INTU: variants seen among roughly 807,000 people sequenced by gnomAD.
The protein encoded by INTU is protein inturned.
A neutral mutation model predicts 100.5 loss-of-function variants in INTU; 68 were observed. The observed-to-expected ratio is 0.68, with a 90% confidence interval of 0.56 to 0.83. The LOEUF (loss-of-function observed/expected upper bound fraction) is 0.83, where lower values mean the gene tolerates loss of function less well. Among genes scored for constraint, INTU ranks in the 40% least tolerant of loss-of-function variants. The probability of loss-of-function intolerance (pLI) is 0.00; values close to 1 mark genes in which losing one functional copy is unlikely to be tolerated. For missense variants in INTU, 1,071 were observed against 1,114.7 expected (o/e 0.96, Z 0.56); for synonymous variants, 357 against 395.7 (o/e 0.90, Z 1.16).
chr4:127,674,323 A>C, intron 6 of INTU, 110 bp downstream of exon 6: 2 of 806,126 alleles, frequency 2.5e-6, no homozygotes, highest in Non-Finnish European at 3.9e-6. Flanking sequence ...ACAGTTTTAC[A>C]GTTTAAAGAT....
rs1387530242 is a variant in INTU at position 127,716,329 on chromosome 4, CTTTT to C, written c.2724_2727del (p.Leu910IlefsTer22). Reference sequence around the variant, plus strand: ...GTGTGTTCTTTTCTTCTGCAGGAGACTTTTTCTTCATCCAAAACCTCAAGAACTT... The same window carrying C: ...GTGTGTTCTTTTCTTCTGCAGGAGACTCTTCATCCAAAACCTCAAGAACTT... On this transcript the variant is annotated frameshift_variant, in exon 16 of 16. Transcript: ENST00000335251. LOFTEE classifies it high-confidence loss of function. The C allele has an allele frequency of 6.5e-7, 1 of 1,531,672 alleles. No individual in the cohort carries two copies. Among genetic ancestry groups the C allele is most frequent in the East Asian group, 2.3e-5 (1 of 43,382 alleles). The allele number at this position is 1,531,672 out of a possible 1,614,324, so 94.9% of individuals were successfully genotyped here. A position where few individuals can be genotyped will look rare whatever the true frequency, so the allele number is the denominator to read the frequency against.
intron 7 of INTU, chr4:127,687,189 G>C: frequency 6.6e-6 from 1 of 152,282 alleles, no homozygotes; most frequent in East Asian, 1.9e-4. Context: ...TGTTTTTACA[G>C]AGTTGGAAAC....
At position 127,656,717 on chromosome 4, in the gene INTU, T is replaced by C. The variant is rs1728245328; in HGVS notation, c.764T>C (p.Met255Thr). The C allele has an allele frequency of 1.3e-6, 2 of 1,590,230 alleles. No individual in the cohort carries two copies. The highest frequency in any genetic ancestry group is 1.1e-5 in the South Asian group (1 of 89,548). The change falls in exon 3 of 16, where the codon ATG becomes ACG. Residue 255 changes from methionine to threonine, a missense_variant. Met to Thr is a moderately conservative substitution (Grantham distance 81). Transcript: ENST00000335251. The part of the protein sequence containing the change: ...ERVLSCIPGP[M>T]QVKLTFENAY... ...GTTCTGTCTTGCATTCCTGGACCTATGCAGGTATGGACATTCTTTTTCTAT... is the reference window on the plus strand; with the variant it reads ...GTTCTGTCTTGCATTCCTGGACCTACGCAGGTATGGACATTCTTTTTCTAT...
chr4:127,643,598 A>G lies in INTU; in HGVS notation c.224A>G (p.Glu75Gly), dbSNP rs1727429051. 1 of 1,613,226 alleles carries G rather than the reference A, an allele frequency of 6.2e-7. No individual in the cohort carries two copies. Among genetic ancestry groups the G allele is most frequent in the African/African-American group, 1.3e-5 (1 of 74,790 alleles). ...LFYLELSEDE[E>G]ESLLPETPTV... ...TATTTGGAATTGAGTGAGGATGAAG[A>G]AGAAAGCCTCCTTCCTGAGACACCA... Residue 75 changes from glutamate (E) to glycine (G), a missense_variant, in exon 2 of 16, where the codon GAA becomes GGA. Transcript: ENST00000335251.
At chr4:127,651,629 G>A (rs1395436939) in intron 2 of INTU, among the ~76,000 whole-genome samples, 1 of 152,130 alleles carries the variant, frequency 6.6e-6, no homozygotes, top group Non-Finnish European at 1.5e-5. Flanking sequence ...TAGCCTTGTA[G>A]TATAGTTTGA....
At chr4:127,654,275 C>G (rs200259782) in intron 2 of INTU, among the ~76,000 whole-genome samples, 1 of 152,024 alleles carries the variant, frequency 6.6e-6, no homozygotes, top group Admixed American at 6.6e-5. Flanking sequence ...ATGATGTTAG[C>G]TGGTGATTTT....
chr4:127,688,721 T>C (rs1188402978), intron 8 of INTU, among the ~76,000 whole-genome samples: 1 of 152,184 alleles, frequency 6.6e-6, no homozygotes. Context: ...TAGTCCCTAC[T>C]TCATGGAAGA....
intron 1 of INTU, among the ~76,000 whole-genome samples, chr4:127,634,800 C>T (rs890206963): frequency 6.6e-6 from 1 of 152,140 alleles, no homozygotes; most frequent in African/African-American, 2.4e-5. Context: ...ATTTGTAGGA[C>T]ATGAGGGTTA....
intron 8 of INTU, among the ~76,000 whole-genome samples, chr4:127,696,996 T>C (rs1318022618): frequency 6.6e-6 from 1 of 152,194 alleles, no homozygotes; most frequent in Non-Finnish European, 1.5e-5. Flanking sequence ...TCCGTTTAAA[T>C]TGCCAATTAC....
At position 127,708,611 on chromosome 4, in the gene INTU, T is replaced by C. The variant is rs754508682; in HGVS notation, c.2312T>C (p.Leu771Ser). Reference protein sequence around the residue: ...KKSTLPNPFHLGNLKKDLPEK... With the variant: ...KKSTLPNPFHSGNLKKDLPEK... ...TCTACTCTTCCAAATCCATTTCATT[T>C]GGGAAACTTGAAAAAGGACCTTCCA... Residue 771 changes from leucine to serine, a missense_variant, in exon 13 of 16, where the codon TTG (leucine) becomes TCG (serine). Physicochemically the swap from Leu to Ser is moderately radical, Grantham distance 145. Coordinates refer to ENST00000335251, the MANE Select transcript of INTU (RefSeq NM_015693.4). The C allele has an allele frequency of 1.2e-6, 2 of 1,600,126 alleles. No individual in the cohort carries two copies. Among genetic ancestry groups the C allele is most frequent in the Non-Finnish European group, 1.7e-6 (2 of 1,170,006 alleles).
At chr4:127,648,318 AAC>A (rs1157307489) in intron 2 of INTU, among the ~76,000 whole-genome samples, 1 of 152,232 alleles carries the variant, frequency 6.6e-6, no homozygotes, top group Non-Finnish European at 1.5e-5. Context: ...ACTAGAGGAA[AAC>A]AAATGTCTGG....
At chr4:127,702,706 T>C (rs939710962) in intron 9 of INTU, among the ~76,000 whole-genome samples, 1 of 152,210 alleles carries the variant, frequency 6.6e-6, no homozygotes, top group African/African-American at 2.4e-5. Flanking sequence ...TCTTATATCC[T>C]AATGCTGTGT....
In INTU at chr4:127,708,487, A is replaced by G. The variant is rs969395780; in HGVS notation, c.2272-84A>G. 29 of 709,486 alleles carry G rather than the reference A, an allele frequency of 4.1e-5. No homozygotes were observed. The African/African-American group carries it at 4.4e-4, about 11-fold the overall frequency. 43.9% of individuals were successfully genotyped at this position (709,486 alleles called of 1,614,324 possible). The stretch of plus-strand genomic sequence containing the variant: ...ATTGCAAATGGTAAGTAGTTCCCTC[A>G]GAAGGATGTTTAATTTTTAAATTGT... On this transcript the variant is annotated intron_variant, in intron 12 of 15. Transcript: ENST00000335251.
At chr4:127,672,046 A>ATG (rs1291739292) in intron 5 of INTU, among the ~76,000 whole-genome samples, 2 of 152,074 alleles carry the variant, frequency 1.3e-5, no homozygotes, top group South Asian at 2.1e-4. Flanking sequence ...AATGGATACA[A>ATG]TGTACACTCC....
intron 5 of INTU, among the ~76,000 whole-genome samples, chr4:127,671,887 G>A (rs1455821266): frequency 6.6e-6 from 1 of 152,030 alleles, no homozygotes; most frequent in African/African-American, 2.4e-5. Context: ...ATTATCTTAA[G>A]TGAAACAACT....
intron 7 of INTU, chr4:127,685,588 G>A (rs1188851082): frequency 7.5e-6 from 3 of 401,630 alleles, no homozygotes; most frequent in Non-Finnish European, 1.5e-5. Flanking sequence ...CAAAGAGCTG[G>A]GCATCCATAA....
chr4:127,708,724 A>G, intron 13 of INTU, 56 bp downstream of exon 13: 1 of 849,674 alleles, frequency 1.2e-6, no homozygotes, highest in Non-Finnish European at 1.9e-6. Flanking sequence ...ACAGTGAGAA[A>G]GTACAATTTT....
intron 8 of INTU, among the ~76,000 whole-genome samples, chr4:127,689,961 T>C (rs1381775525): frequency 6.6e-6 from 1 of 152,200 alleles, no homozygotes; most frequent in Non-Finnish European, 1.5e-5. Context: ...CTTGCCATTC[T>C]ACCTGGCCAT....
rs1020868140 is a variant in INTU, at chr4:127,718,397, A to T, written c.*1961A>T. 1 of 152,168 alleles carries T rather than the reference A, an allele frequency of 6.6e-6. No individual in the cohort carries two copies. 9.4% of individuals were successfully genotyped at this position (152,168 alleles called of 1,614,324 possible). A position where few individuals can be genotyped will look rare whatever the true frequency, so the allele number is the denominator to read the frequency against. On this transcript the variant is annotated 3_prime_UTR_variant, in exon 16 of 16. Coordinates refer to ENST00000335251, the MANE Select transcript of INTU (RefSeq NM_015693.4). Reference sequence around the variant, plus strand: ...TTTGGTTATTGTACCCTTACAGTACAGTTTGAAGTTTGGTAGTGTGATGCC... The same window carrying T: ...TTTGGTTATTGTACCCTTACAGTACTGTTTGAAGTTTGGTAGTGTGATGCC...
Sources: gnomAD v4.1 joint callset for allele counts (sites outside exome capture counted in the v4.1 genomes callset) on GRCh38, gnomAD v4.1.1 for gene constraint, MANE v1.5 for transcripts, NCBI Gene and HGNC (gene_info 2026-07-23, HGNC 2026-07-21) for gene names.